SNX29: variants seen among roughly 807,000 people sequenced by gnomAD.
The protein encoded by SNX29 is sorting nexin-29.
Under a neutral mutation model 102.1 loss-of-function variants are expected in SNX29, and 78 were observed. The ratio of observed to expected loss-of-function variants is 0.76; its 90% confidence interval spans 0.64 to 0.92. SNX29 has a LOEUF of 0.92. SNX29 is among the 40% of genes least tolerant of loss of function. The pLI, the probability that SNX29 is intolerant of heterozygous loss-of-function variation, is 0.00. For synonymous variants in SNX29, 580 were observed against 414.5 expected (o/e 1.40, Z -4.85); for missense variants, 1,280 against 1,061.7 (o/e 1.21, Z -2.86).
chr16:12,540,829 AAAC>A (rs1172467455), intron 20 of SNX29, among the ~76,000 whole-genome samples: 2 of 152,202 alleles, frequency 1.3e-5, no homozygotes, highest in Non-Finnish European at 2.9e-5. Flanking sequence ...GGGCAAAAAG[AAAC>A]AAGATCGCCT....
chr16:12,195,607 C>T (rs373697402), intron 13 of SNX29, among the ~76,000 whole-genome samples: 15 of 152,312 alleles, frequency 9.8e-5, no homozygotes, highest in South Asian at 4.1e-4. Flanking sequence ...GAGTCTTAAC[C>T]GCCCAAGAGA....
chr16:12,547,425 A>C (rs1159103947), intron 20 of SNX29, among the ~76,000 whole-genome samples: 1 of 152,068 alleles, frequency 6.6e-6, no homozygotes, highest in Non-Finnish European at 1.5e-5. Flanking sequence ...CCATGTGGGC[A>C]CCCCGGGGAG....
At chr16:12,349,171 G>A (rs2081918938) in intron 15 of SNX29, among the ~76,000 whole-genome samples, 1 of 152,222 alleles carries the variant, frequency 6.6e-6, no homozygotes, top group African/African-American at 2.4e-5. Flanking sequence ...TCCTCAAATA[G>A]GCACAGTGTT....
intron 18 of SNX29, among the ~76,000 whole-genome samples, chr16:12,458,836 C>A (rs915569090): frequency 6.6e-6 from 1 of 152,184 alleles, no homozygotes; most frequent in Non-Finnish European, 1.5e-5. Flanking sequence ...AGCACTCACA[C>A]AGGAGAAAAC....
intron 14 of SNX29, among the ~76,000 whole-genome samples, chr16:12,223,578 C>T (rs1435998883): frequency 3.3e-5 from 5 of 152,138 alleles, no homozygotes; most frequent in Non-Finnish European, 5.9e-5. Flanking sequence ...GCAGGAGAAT[C>T]GCTTGAACCC....
At chr16:12,537,087 C>G (rs966294677) in intron 20 of SNX29, among the ~76,000 whole-genome samples, 5 of 152,196 alleles carry the variant, frequency 3.3e-5, no homozygotes, top group South Asian at 2.1e-4. Context: ...ATCCATGTAT[C>G]TCCACCCACG....
chr16:12,348,901 C>T (rs1057012615), intron 15 of SNX29, among the ~76,000 whole-genome samples: 2 of 149,822 alleles, frequency 1.3e-5, no homozygotes, highest in Non-Finnish European at 2.9e-5. Flanking sequence ...GTGGAACATT[C>T]CTCGTGCGCA....
chr16:12,490,235 C>A (rs2088477260), intron 19 of SNX29, among the ~76,000 whole-genome samples: 1 of 152,178 alleles, frequency 6.6e-6, no homozygotes, highest in Non-Finnish European at 1.5e-5. Context: ...TATCAGATCT[C>A]CAGAGCCTTG....
chr16:12,122,167 C>G (rs964665772), intron 11 of SNX29, among the ~76,000 whole-genome samples: 3 of 152,180 alleles, frequency 2.0e-5, no homozygotes, highest in African/African-American at 4.8e-5. Context: ...CGGCAAGTCA[C>G]TATTTCAGTG....
rs115167744 is a variant in SNX29, at chr16:12,252,593, T to C, written c.1679-25340T>C. ...TATTTAGGCTTTGCCTCCCTGAACGTGTGTGCATTTCCCGGTTCCATCAGT... is the reference window on the plus strand; with the variant it reads ...TATTTAGGCTTTGCCTCCCTGAACGCGTGTGCATTTCCCGGTTCCATCAGT... On this transcript the variant is annotated intron_variant, in intron 14 of 20. Transcript: ENST00000566228. Among the ~76,000 whole-genome samples the C allele has an allele frequency of 8.1e-3, 1,234 of 152,328 alleles. 20 individuals carry two copies. Among genetic ancestry groups the C allele is most frequent in the African/African-American group, 0.027 (1,129 of 41,584 alleles).
chr16:12,483,767 G>C (rs375323725), intron 19 of SNX29, among the ~76,000 whole-genome samples: 1 of 152,192 alleles, frequency 6.6e-6, no homozygotes, highest in Non-Finnish European at 1.5e-5. Flanking sequence ...ACAGTGCTGG[G>C]TTCCAGGCTG....
intron 18 of SNX29, among the ~76,000 whole-genome samples, chr16:12,425,932 C>T (rs1319618659): frequency 6.6e-6 from 1 of 152,160 alleles, no homozygotes; most frequent in Non-Finnish European, 1.5e-5. Flanking sequence ...CCTGGACTCT[C>T]TTGCAGGCAG....
chr16:12,239,420 G>C (rs1241594915), intron 14 of SNX29, among the ~76,000 whole-genome samples: 1 of 152,034 alleles, frequency 6.6e-6, no homozygotes, highest in Non-Finnish European at 1.5e-5. Flanking sequence ...TGAACTCCTT[G>C]AGGACAGGAG....
chr16:12,109,574 T>A (rs924826560), intron 11 of SNX29, among the ~76,000 whole-genome samples: 9 of 151,968 alleles, frequency 5.9e-5, no homozygotes, highest in African/African-American at 2.2e-4. Context: ...ACAGCACTAG[T>A]CCTAATTGTC....
intron 15 of SNX29, among the ~76,000 whole-genome samples, chr16:12,325,341 C>A (rs1025184913): frequency 1.3e-5 from 2 of 152,142 alleles, no homozygotes; most frequent in Non-Finnish European, 2.9e-5. Flanking sequence ...GATTGAAAAG[C>A]CAATGCCAGG....
At position 12,560,122 on chromosome 16, in the gene SNX29, TTC is replaced by T. The variant is rs759108886; in HGVS notation, c.2319-8382_2319-8381del. 8.8e-5 allele frequency among the ~76,000 whole-genome samples: 13 copies of T among 147,350 alleles called. 1 individual carries two copies. The South Asian group carries it at 2.3e-3, about 26-fold the overall frequency. ...AGGATGAGTTGACAAGCTATTCTAGTTCTGTGTTCCCCTCCCCCCCCCAACAA... is the reference window on the plus strand; with the variant it reads ...AGGATGAGTTGACAAGCTATTCTAGTTGTGTTCCCCTCCCCCCCCCAACAA... On this transcript the variant is annotated intron_variant, in intron 20 of 20. Coordinates refer to ENST00000566228, the MANE Select transcript of SNX29 (RefSeq NM_032167.5).
intron 16 of SNX29, among the ~76,000 whole-genome samples, chr16:12,380,803 T>TCCATCCATTCACCCG (rs2083081790): frequency 2.0e-4 from 7 of 34,918 alleles, no homozygotes; most frequent in African/African-American, 6.2e-4. Flanking sequence ...CCACACACCA[T>TCCATCCATTCACCCG]CCATCCATCC....
intron 15 of SNX29, among the ~76,000 whole-genome samples, chr16:12,328,100 C>T (rs1429230388): frequency 6.6e-6 from 1 of 152,170 alleles, no homozygotes; most frequent in African/African-American, 2.4e-5. Context: ...TAAAATGGAG[C>T]TGCACATACC....
intron 20 of SNX29, among the ~76,000 whole-genome samples, chr16:12,566,448 T>C (rs1036070620): frequency 9.2e-5 from 14 of 152,132 alleles, no homozygotes; most frequent in Non-Finnish European, 1.9e-4. Context: ...CTCTGGTCAT[T>C]GCAGGGCAGG....
Sources: gnomAD v4.1 joint callset for allele counts (sites outside exome capture counted in the v4.1 genomes callset) on GRCh38, gnomAD v4.1.1 for gene constraint, MANE v1.5 for transcripts, NCBI Gene and HGNC (gene_info 2026-07-23, HGNC 2026-07-21) for gene names.